OSCP1: variants seen among roughly 807,000 people sequenced by gnomAD.
The protein encoded by OSCP1 is protein OSCP1.
OSCP1 carries 35 observed loss-of-function variants against 45.1 expected under a neutral mutation model. That is an observed-to-expected ratio of 0.78 (90% confidence interval 0.59 to 1.03). The LOEUF (loss-of-function observed/expected upper bound fraction) is 1.03, where lower values mean the gene tolerates loss of function less well. Among genes scored for constraint, OSCP1 ranks in the 50% least tolerant of loss-of-function variants. OSCP1 has a pLI of 0.00. For missense variants in OSCP1, 400 were observed against 470.7 expected (o/e 0.85, Z 1.39); for synonymous variants, 179 against 180.1 (o/e 0.99, Z 0.05).
chr1:36,420,488 T>A lies in OSCP1; in HGVS notation c.947A>T (p.Asp316Val). Residue 316 changes from aspartate to valine, a missense_variant, in exon 8 of 10, where the codon GAT (aspartate) becomes GTT (valine). Coordinates refer to ENST00000235532, the MANE Select transcript of OSCP1 (RefSeq NM_145047.5). ...GTTTAAAACATACTCCTCTTCTTCA[T>A]CGGTGGTAAAGAGATTCAACCGGAA... ...PGFRLNLFTT[D>V]EEEEQAALTR... The A allele has an allele frequency of 6.2e-7, 1 of 1,613,808 alleles. No individual in the cohort carries two copies. The highest frequency in any genetic ancestry group is 8.5e-7 in the Non-Finnish European group (1 of 1,179,924).
In OSCP1 at chr1:36,432,606, A is replaced by G; in HGVS notation, c.268-17T>C. Reference sequence around the variant, plus strand: ...GTCATAGAGCTGCCAACCCACACACAAGCAAAAGAAATGGGATCATATCAA... The same window carrying G: ...GTCATAGAGCTGCCAACCCACACACGAGCAAAAGAAATGGGATCATATCAA... On this transcript the variant is annotated splice_polypyrimidine_tract_variant and intron_variant, in intron 2 of 9. Transcript: ENST00000235532. The G allele has an allele frequency of 1.9e-6, 3 of 1,614,020 alleles. No homozygotes were observed. The highest frequency in any genetic ancestry group is 1.7e-6 in the Non-Finnish European group (2 of 1,179,948).
chr1:36,433,598 C>T (rs540155582), intron 2 of OSCP1, among the ~76,000 whole-genome samples: 4 of 152,064 alleles, frequency 2.6e-5, no homozygotes, highest in East Asian at 3.8e-4. Flanking sequence ...CTCAGGATCA[C>T]GCAATATACC....
At chr1:36,418,387 G>A (rs1647401877) in intron 9 of OSCP1, 132 bp from the exon 10 acceptor site, 4 of 725,868 alleles carry the variant, frequency 5.5e-6, no homozygotes, top group Admixed American at 4.7e-5. Flanking sequence ...TCAGAAAAGG[G>A]ATTGTAGTTA....
chr1:36,422,034 C>T, intron 7 of OSCP1, 116 bp downstream of exon 7: 2 of 996,998 alleles, frequency 2.0e-6, no homozygotes, highest in Non-Finnish European at 3.2e-6. Context: ...GAAGATTGCA[C>T]ACAACAGGGG....
At chr1:36,424,965 G>A (rs1255878655) in intron 4 of OSCP1, among the ~76,000 whole-genome samples, 3 of 152,000 alleles carry the variant, frequency 2.0e-5, no homozygotes, top group Non-Finnish European at 4.4e-5. Context: ...CTGAGGTCAG[G>A]AGTTCGAGAC....
chr1:36,446,494 A>G (rs1384058725), intron 1 of OSCP1, among the ~76,000 whole-genome samples: 2 of 152,226 alleles, frequency 1.3e-5, no homozygotes, highest in African/African-American at 2.4e-5. Flanking sequence ...ATGCTCCCGA[A>G]GGCAGGCAGG....
intron 1 of OSCP1, 81 bp downstream of exon 1, chr1:36,450,177 C>T: frequency 8.8e-7 from 1 of 1,132,966 alleles, no homozygotes; most frequent in Non-Finnish European, 1.3e-6. Flanking sequence ...GGGTGCGGGT[C>T]TGGCTGTGGG....
In OSCP1 at chr1:36,432,370, G is replaced by A. The variant is rs1375569465; in HGVS notation, c.435+52C>T. ...ATAGATCTACCTGTTCTTAACAGAG[G>A]GATGAGAAAAAGTACTGGGGCTGAG... is the stretch of plus-strand genomic sequence containing the variant. On this transcript the variant is annotated intron_variant, in intron 3 of 9. Coordinates refer to ENST00000235532, the MANE Select transcript of OSCP1 (RefSeq NM_145047.5). The A allele has an allele frequency of 6.9e-6, 11 of 1,586,210 alleles. No individual in the cohort carries two copies. In the African/African-American group the frequency reaches 1.2e-4, roughly 17 times the overall value.
intron 1 of OSCP1, among the ~76,000 whole-genome samples, chr1:36,446,910 A>G (rs1422808016): frequency 1.3e-5 from 2 of 152,230 alleles, no homozygotes; most frequent in Non-Finnish European, 2.9e-5. Context: ...ACAGGAGACA[A>G]CATTCAATAT....
intron 2 of OSCP1, among the ~76,000 whole-genome samples, chr1:36,433,913 T>A (rs1648538773): frequency 6.6e-6 from 1 of 152,114 alleles, no homozygotes; most frequent in African/African-American, 2.4e-5. Context: ...AATCCAGACT[T>A]AAGGCCTGGA....
intron 1 of OSCP1, among the ~76,000 whole-genome samples, chr1:36,439,959 A>G (rs755163354): frequency 1.3e-5 from 2 of 152,246 alleles, no homozygotes; most frequent in Non-Finnish European, 2.9e-5. Context: ...TTGAACATAG[A>G]TTATCCTTAA....
At chr1:36,431,650 T>A in intron 4 of OSCP1, 152 bp downstream of exon 4, 1 of 597,084 alleles carries the variant, frequency 1.7e-6, no homozygotes, top group South Asian at 2.3e-5. Context: ...ACTGCTGAGA[T>A]GTATTATCAA....
At chr1:36,449,460 C>A (rs1330124230) in intron 1 of OSCP1, among the ~76,000 whole-genome samples, 1 of 151,930 alleles carries the variant, frequency 6.6e-6, no homozygotes, top group Non-Finnish European at 1.5e-5. Flanking sequence ...TATTTTAGAA[C>A]ACCAAATTTC....
chr1:36,444,046 T>A (rs1284833739), intron 1 of OSCP1: 3 of 1,612,388 alleles, frequency 1.9e-6, no homozygotes, highest in Admixed American at 3.3e-5. Context: ...ACATGAAGCA[T>A]ACAAAAAGAA....
chr1:36,431,879 A>G lies in OSCP1; in HGVS notation c.439T>C (p.Tyr147His). 6.2e-7 allele frequency: 1 copy of G among 1,612,870 alleles called. No homozygotes were observed. The highest frequency in any genetic ancestry group is 8.5e-7 in the Non-Finnish European group (1 of 1,179,878). The part of the protein sequence containing the change: ...DETLRQLTEI[Y>H]GGLSAGEFQL... The stretch of plus-strand genomic sequence containing the variant: ...AACTCCCCTGCAGAGAGACCACCAT[A>G]TATCTGCCAAAGGCAAGCAGAAAGC... The change falls in exon 4 of 10, where the codon TAT becomes CAT. Residue 147 changes from tyrosine to histidine, a missense_variant. Coordinates refer to ENST00000235532, the MANE Select transcript of OSCP1 (RefSeq NM_145047.5).
At chr1:36,431,596 A>G (rs146200366) in intron 4 of OSCP1, among the ~76,000 whole-genome samples, 24 of 152,136 alleles carry the variant, frequency 1.6e-4, no homozygotes, top group African/African-American at 5.8e-4. Flanking sequence ...CAAGGTAATC[A>G]AAAAAGAATG....
At chr1:36,438,317 CAAAAAAAAA>C (rs35430845) in intron 2 of OSCP1, among the ~76,000 whole-genome samples, 31 of 73,802 alleles carry the variant, frequency 4.2e-4, no homozygotes, top group African/African-American at 1.6e-3. Flanking sequence ...AACTCCATCT[CAAAAAAAAA>C]AAAAAAAAAA....
Position 36,447,844 on chromosome 1 carries a change from G to T in OSCP1, c.112+2414C>A, listed in dbSNP as rs1339278862. On this transcript the variant is annotated intron_variant, in intron 1 of 9. Coordinates refer to ENST00000235532, the MANE Select transcript of OSCP1 (RefSeq NM_145047.5). This position sits in a 1 kb window ranked among gnomAD's most constrained non-coding sequence, Gnocchi z 4.1. ...TGAATGTCCAGAAGGGCTGCATCAG[G>T]CTCCATATAGTATCTCACATAGTGT... 4.5e-6 allele frequency: 2 copies of T among 442,662 alleles called. No individual in the cohort carries two copies. Among genetic ancestry groups the T allele is most frequent in the Admixed American group, 4.8e-5 (2 of 41,620 alleles). The allele number at this position is 442,662 out of a possible 1,614,324, so 27.4% of individuals were successfully genotyped here. A position where few individuals can be genotyped will look rare whatever the true frequency, so the allele number is the denominator to read the frequency against.
intron 1 of OSCP1, among the ~76,000 whole-genome samples, chr1:36,445,147 C>T (rs1214249900): frequency 3.3e-5 from 5 of 152,122 alleles, no homozygotes; most frequent in Non-Finnish European, 7.4e-5. Context: ...GTCAGGAGTT[C>T]GAGACCAGCC....
Sources: allele counts gnomAD v4.1 joint callset (sites outside exome capture counted in the v4.1 genomes callset), GRCh38; gene constraint gnomAD v4.1.1; non-coding constraint Gnocchi (gnomAD v3.1); transcripts MANE v1.5; gene names NCBI Gene and HGNC (gene_info 2026-07-23, HGNC 2026-07-21).